The following PRKN variants were observed in gnomAD, a reference collection of about 807,000 sequenced individuals.
PRKN encodes the protein parkin RBR E3 ubiquitin protein ligase.
In PRKN, 56 loss-of-function variants were observed where a neutral mutation model predicts 59.5. The observed-to-expected ratio is 0.94, with a 90% CI of 0.76 to 1.18. The LOEUF (loss-of-function observed/expected upper bound fraction) is 1.18. Among genes scored for constraint, PRKN ranks in the 50% most tolerant of loss-of-function variants. PRKN has a pLI of 0.00. For synonymous variants in PRKN, 250 were observed against 222.1 expected (o/e 1.13, Z -1.12); for missense variants, 657 against 596.4 (o/e 1.10, Z -1.06).
chr6:161,729,564 C>G (rs1042192847), intron 7 of PRKN, among the ~76,000 whole-genome samples: 1 of 152,120 alleles, frequency 6.6e-6, no homozygotes, highest in Non-Finnish European at 1.5e-5. Flanking sequence ...TTTCTCATTC[C>G]TTATTTCACT....
At chr6:161,710,465 C>T (rs951713685) in intron 7 of PRKN, among the ~76,000 whole-genome samples, 2 of 151,896 alleles carry the variant, frequency 1.3e-5, no homozygotes, top group African/African-American at 2.4e-5. Context: ...TATGTTTTTT[C>T]TTCTTCTTCT....
At chr6:161,652,654 A>AACTT (rs1324840296) in intron 7 of PRKN, among the ~76,000 whole-genome samples, 2 of 152,236 alleles carry the variant, frequency 1.3e-5, no homozygotes, top group Non-Finnish European at 2.9e-5. Context: ...ATTAAGAAAT[A>AACTT]ACTTATGTAT....
At chr6:162,012,368 G>C (rs1048144817) in intron 5 of PRKN, among the ~76,000 whole-genome samples, 1 of 151,668 alleles carries the variant, frequency 6.6e-6, no homozygotes, top group Non-Finnish European at 1.5e-5. Flanking sequence ...AAAAAAGAAA[G>C]TAAACTAAAA....
At chr6:161,816,205 A>G (rs1438622958) in intron 6 of PRKN, among the ~76,000 whole-genome samples, 1 of 152,146 alleles carries the variant, frequency 6.6e-6, no homozygotes, top group East Asian at 1.9e-4. Context: ...ATGCAGCAGC[A>G]TGCGTGAGTC....
In PRKN at chr6:162,115,238, C is replaced by T. The variant is rs903045235; in HGVS notation, c.535-61064G>A. ...GAAATCATCATTCTCAGTAAACTAT[C>T]GCAAGAACAAAAAACCAAACACCGC... On this transcript the variant is annotated intron_variant, in intron 4 of 11. Transcript: ENST00000366898. Among the ~76,000 whole-genome samples, 22 of 151,760 alleles carry T rather than the reference C, an allele frequency of 1.4e-4. 1 individual carries two copies. The highest frequency in any genetic ancestry group is 1.4e-3 in the Admixed American group (21 of 15,230).
Position 161,575,880 on chromosome 6 carries a change from G to C in PRKN, c.872-6464C>G, listed in dbSNP as rs73593485. 0.033 allele frequency among the ~76,000 whole-genome samples: 4,978 copies of C among 152,188 alleles called. 280 individuals are homozygous for C. The highest frequency in any genetic ancestry group is 0.11 in the African/African-American group (4,734 of 41,516). Reference sequence around the variant, plus strand: ...AACTTAGAAAAGGAAACCGACTAACGACAAAATGGCATCAAAAATAAATGA... The same window carrying C: ...AACTTAGAAAAGGAAACCGACTAACCACAAAATGGCATCAAAAATAAATGA... On this transcript the variant is annotated intron_variant, in intron 7 of 11. Coordinates refer to ENST00000366898, the MANE Select transcript of PRKN (RefSeq NM_004562.3). This position sits in a 1 kb window ranked among gnomAD's most constrained non-coding sequence, Gnocchi z 4.6.
chr6:162,442,001 C>A (rs9347641), intron 2 of PRKN, among the ~76,000 whole-genome samples: 13,956 of 136,652 alleles, frequency 0.1, 738 homozygotes, highest in South Asian at 0.18. Context: ...TTTTAGTTGA[C>A]TGAAATAGAA....
intron 7 of PRKN, among the ~76,000 whole-genome samples, chr6:161,597,916 C>G (rs1046870878): frequency 6.6e-6 from 1 of 152,094 alleles, no homozygotes; most frequent in African/African-American, 2.4e-5. Flanking sequence ...AGTTCATGTA[C>G]CTACTTAAAT....
intron 4 of PRKN, among the ~76,000 whole-genome samples, chr6:162,143,668 T>C (rs1048067301): frequency 1.3e-5 from 2 of 152,312 alleles, no homozygotes; most frequent in South Asian, 2.1e-4. Context: ...AATAATTAAA[T>C]GCAATAAAGC....
chr6:162,176,367 T>G lies in PRKN; in HGVS notation c.534+24764A>C, dbSNP rs556744566. Reference sequence around the variant, plus strand: ...TGCAGTCACTAGACTCAAATAAGTATAAAGAGCCACACCGTCTCGTGGATA... The same window carrying G: ...TGCAGTCACTAGACTCAAATAAGTAGAAAGAGCCACACCGTCTCGTGGATA... On this transcript the variant is annotated intron_variant, in intron 4 of 11. Transcript: ENST00000366898. 1.2e-3 allele frequency among the ~76,000 whole-genome samples: 181 copies of G among 152,304 alleles called. 1 individual carries two copies. The highest frequency in any genetic ancestry group is 4.3e-3 in the African/African-American group (179 of 41,572).
intron 1 of PRKN, among the ~76,000 whole-genome samples, chr6:162,709,656 CG>C (rs994449407): frequency 4.6e-5 from 7 of 152,108 alleles, no homozygotes; most frequent in Admixed American, 3.9e-4. Flanking sequence ...CTTTCTGACC[CG>C]GAAGTCTCAT....
intron 5 of PRKN, among the ~76,000 whole-genome samples, chr6:161,997,936 C>T (rs777766020): frequency 6.6e-6 from 1 of 152,034 alleles, no homozygotes; most frequent in Non-Finnish European, 1.5e-5. Context: ...TCCTAAAATA[C>T]AGGAGCCAGG....
rs565378998 is a variant in PRKN, at chr6:161,582,771, C to T, written c.872-13355G>A. 3.9e-4 allele frequency among the ~76,000 whole-genome samples: 59 copies of T among 152,120 alleles called. No individual in the cohort carries two copies. Among genetic ancestry groups the T allele is most frequent in the Non-Finnish European group, 7.1e-4 (48 of 67,988 alleles). Reference sequence around the variant, plus strand: ...TATAATAAGGATAAATGAAACCAGACGTAAGTGTCATACATGCATGAATTG... The same window carrying T: ...TATAATAAGGATAAATGAAACCAGATGTAAGTGTCATACATGCATGAATTG... On this transcript the variant is annotated intron_variant, in intron 7 of 11. Coordinates refer to ENST00000366898, the MANE Select transcript of PRKN (RefSeq NM_004562.3). The surrounding 1 kb of genome is among the most constrained non-coding windows in gnomAD (Gnocchi z 4.4).
chr6:161,847,484 C>T (rs184617618), intron 6 of PRKN, among the ~76,000 whole-genome samples: 21 of 152,154 alleles, frequency 1.4e-4, no homozygotes, highest in Non-Finnish European at 3.1e-4. Context: ...CTGTCTACAT[C>T]AAGTGGTTGA....
rs1438204288 is a variant in PRKN, at chr6:161,390,321, A to G, written c.1084-3444T>C. Among the ~76,000 whole-genome samples the G allele has an allele frequency of 1.3e-5, 2 of 152,236 alleles. No individual in the cohort carries two copies. The highest frequency in any genetic ancestry group is 4.8e-5 in the African/African-American group (2 of 41,472). ...ATTTTAAGTAAAACACAGCATGGCT[A>G]TTGAACACTATGTGATTTATTAACT... is the stretch of plus-strand genomic sequence containing the variant. On this transcript the variant is annotated intron_variant, in intron 9 of 11. Transcript: ENST00000366898. The surrounding 1 kb of genome is among the most constrained non-coding windows in gnomAD (Gnocchi z 7.0).
chr6:161,509,338 C>T (rs373847732), intron 9 of PRKN, among the ~76,000 whole-genome samples: 4 of 152,036 alleles, frequency 2.6e-5, no homozygotes, highest in African/African-American at 9.6e-5. Context: ...TATTCATCCT[C>T]GCAGAGAGAA....
intron 9 of PRKN, among the ~76,000 whole-genome samples, chr6:161,481,790 G>A (rs1442325415): frequency 1.3e-5 from 2 of 152,028 alleles, no homozygotes; most frequent in African/African-American, 4.8e-5. Flanking sequence ...CTTACTGATT[G>A]TGCCCTAGAA....
rs546773867 is a variant in PRKN, at chr6:161,656,718, C to T, written c.872-87302G>A. Among the ~76,000 whole-genome samples, 3 of 152,260 alleles carry T rather than the reference C, an allele frequency of 2.0e-5. No individual in the cohort carries two copies. The South Asian group carries it at 6.2e-4, about 32-fold the overall frequency. ...TCTCTGAACTTGATCAAGTAGCTCC[C>T]ACCCTTGGCCCCTTGGTCACTCTCA... On this transcript the variant is annotated intron_variant, in intron 7 of 11. Coordinates refer to ENST00000366898, the MANE Select transcript of PRKN (RefSeq NM_004562.3).
intron 1 of PRKN, among the ~76,000 whole-genome samples, chr6:162,524,185 T>C (rs6904379): frequency 0.089 from 13,620 of 152,262 alleles, 658 homozygotes; most frequent in South Asian, 0.17. Flanking sequence ...AAATTTGATT[T>C]TCTGTGTAGG....
Sources: allele counts gnomAD v4.1 joint callset (sites outside exome capture counted in the v4.1 genomes callset), GRCh38; gene constraint gnomAD v4.1.1; non-coding constraint Gnocchi (gnomAD v3.1); transcripts MANE v1.5; gene names NCBI Gene and HGNC (gene_info 2026-07-23, HGNC 2026-07-21).